Variants in DAAM1 observed in about 807,000 individuals in gnomAD.
DAAM1 encodes the protein disheveled-associated activator of morphogenesis 1.
In DAAM1, 52 loss-of-function variants were observed where a neutral mutation model predicts 130.0. The observed-to-expected ratio is 0.40, with a 90% CI of 0.32 to 0.50. The LOEUF (loss-of-function observed/expected upper bound fraction) is 0.50. Among genes scored for constraint, DAAM1 ranks in the 20% least tolerant of loss-of-function variants. The pLI is 0.61. For missense variants in DAAM1, 1,134 were observed against 1,303.8 expected, an observed-to-expected ratio of 0.87 and a Z score of 2.01; for synonymous variants, 452 against 444.5, an observed-to-expected ratio of 1.02 and a Z score of -0.21.
intron 22 of DAAM1, 135 bp downstream of exon 22, chr14:59,360,997 C>G (rs1471751697): frequency 1.4e-6 from 1 of 693,988 alleles, no homozygotes; most frequent in East Asian, 3.1e-5. Flanking sequence ...ATAAGAACCA[C>G]CACCACAAGA....
At chr14:59,198,137 A>T (rs768774286) in intron 1 of DAAM1, among the ~76,000 whole-genome samples, 6 of 151,872 alleles carry the variant, frequency 4.0e-5, no homozygotes, top group Non-Finnish European at 5.9e-5. Context: ...ACACTCGGGG[A>T]CATTCACATT....
intron 1 of DAAM1, among the ~76,000 whole-genome samples, chr14:59,223,104 A>G (rs1888828763): frequency 6.6e-6 from 1 of 152,258 alleles, no homozygotes; most frequent in African/African-American, 2.4e-5. Flanking sequence ...GGAATTGCCC[A>G]TGAGGCCATA....
intron 1 of DAAM1, among the ~76,000 whole-genome samples, chr14:59,258,466 A>C (rs1486192118): frequency 6.6e-6 from 1 of 152,170 alleles, no homozygotes; most frequent in African/African-American, 2.4e-5. Flanking sequence ...GGGGTGATGA[A>C]ATGAAGTGAT....
At chr14:59,245,015 C>G (rs1424938372) in intron 1 of DAAM1, among the ~76,000 whole-genome samples, 1 of 151,928 alleles carries the variant, frequency 6.6e-6, no homozygotes, top group East Asian at 1.9e-4. Context: ...GAAAGTGGCA[C>G]CTGTAAGATA....
At chr14:59,368,453 G>GT (rs1256937875) in intron 24 of DAAM1, among the ~76,000 whole-genome samples, 197 bp from the exon 25 acceptor site, 1 of 152,012 alleles carries the variant, frequency 6.6e-6, no homozygotes, top group Non-Finnish European at 1.5e-5. Flanking sequence ...GGGAGTGGTT[G>GT]TTTTTTGTTG....
At chr14:59,283,940 C>T (rs1594799022) in intron 2 of DAAM1, among the ~76,000 whole-genome samples, 1 of 152,142 alleles carries the variant, frequency 6.6e-6, no homozygotes, top group Admixed American at 6.6e-5. Context: ...CAAAACAGCA[C>T]AGGTGCTCCA....
At chr14:59,312,821 G>A (rs752589121) in intron 3 of DAAM1, among the ~76,000 whole-genome samples, 18 of 152,174 alleles carry the variant, frequency 1.2e-4, no homozygotes, top group Admixed American at 2.0e-4. Flanking sequence ...AAGGCACTTT[G>A]TACTGTACAA....
At chr14:59,255,993 G>A (rs1004136742) in intron 1 of DAAM1, among the ~76,000 whole-genome samples, 1 of 150,566 alleles carries the variant, frequency 6.6e-6, no homozygotes, top group African/African-American at 2.4e-5. Context: ...TATCTTGACT[G>A]CCATTTCCAC....
intron 1 of DAAM1, among the ~76,000 whole-genome samples, chr14:59,237,103 G>T (rs975134506): frequency 2.0e-5 from 3 of 152,200 alleles, no homozygotes; most frequent in Admixed American, 6.5e-5. Flanking sequence ...CCCTAGCATA[G>T]AGTCAGTTTT....
chr14:59,315,710 A>T (rs888160324), intron 4 of DAAM1, among the ~76,000 whole-genome samples: 1 of 152,228 alleles, frequency 6.6e-6, no homozygotes, highest in African/African-American at 2.4e-5. Flanking sequence ...ATACCATTTT[A>T]AAATAATATG....
At chr14:59,204,043 C>T (rs1888190084) in intron 1 of DAAM1, among the ~76,000 whole-genome samples, 1 of 152,118 alleles carries the variant, frequency 6.6e-6, no homozygotes, top group South Asian at 2.1e-4. Context: ...GATCATAAAC[C>T]CATGTGCAAA....
intron 21 of DAAM1, 87 bp downstream of exon 21, chr14:59,359,591 C>G (rs1886624297): frequency 1.1e-6 from 1 of 934,690 alleles, no homozygotes; most frequent in East Asian, 2.6e-5. Context: ...TGAAGTCAGT[C>G]CTTCTATTTG....
chr14:59,315,352 G>GT lies in DAAM1; in HGVS notation c.345+2dup, dbSNP rs1246723484. The stretch of plus-strand genomic sequence containing the variant: ...TGATCAGCTCAATTCCATGGCTGCT[G>GT]TAAGTAGACTTTTATGTTCTTTGAC... On this transcript the variant is annotated splice_donor_variant, in intron 4 of 24. Transcript: ENST00000360909. LOFTEE classifies it high-confidence loss of function. 1.9e-6 allele frequency: 3 copies of GT among 1,613,376 alleles called. No individual in the cohort carries two copies. In the Admixed American group the frequency reaches 5.0e-5, roughly 27 times the overall value.
chr14:59,249,499 T>C (rs2139478914), intron 1 of DAAM1, among the ~76,000 whole-genome samples: 1 of 152,332 alleles, frequency 6.6e-6, no homozygotes, highest in South Asian at 2.1e-4. Flanking sequence ...TAAGTGGCCA[T>C]ATTTGAGGGA....
intron 23 of DAAM1, among the ~76,000 whole-genome samples, chr14:59,365,773 A>C (rs1479537098): frequency 1.3e-5 from 2 of 150,876 alleles, no homozygotes; most frequent in Non-Finnish European, 3.0e-5. Context: ...AGAAAACTTA[A>C]AATCTGGAAA....
intron 17 of DAAM1, among the ~76,000 whole-genome samples, chr14:59,349,316 CCTT>C (rs1185757430): frequency 4.6e-5 from 7 of 152,270 alleles, no homozygotes; most frequent in African/African-American, 9.6e-5. Flanking sequence ...CAAAATTCCT[CCTT>C]GAGGGAAAGG....
chr14:59,236,688 C>A (rs1889312519), intron 1 of DAAM1, among the ~76,000 whole-genome samples: 1 of 152,152 alleles, frequency 6.6e-6, no homozygotes, highest in African/African-American at 2.4e-5. Context: ...TGTCTCCTCT[C>A]ACTAAACTGT....
intron 1 of DAAM1, among the ~76,000 whole-genome samples, chr14:59,243,435 T>C (rs1374252856): frequency 6.6e-6 from 1 of 152,212 alleles, no homozygotes; most frequent in East Asian, 1.9e-4. Context: ...GTTTATGTAT[T>C]ACAAGGTTCT....
At chr14:59,190,788 G>C (rs373843637) in intron 1 of DAAM1, among the ~76,000 whole-genome samples, 2 of 152,170 alleles carry the variant, frequency 1.3e-5, no homozygotes, top group East Asian at 3.8e-4. Context: ...TTCCAAGATA[G>C]ACTTGGTCAT....
Sources: allele counts gnomAD v4.1 joint callset (sites outside exome capture counted in the v4.1 genomes callset), GRCh38; gene constraint gnomAD v4.1.1; transcripts MANE v1.5; gene names NCBI Gene and HGNC (gene_info 2026-07-23, HGNC 2026-07-21).